Variants in ISG20L2 observed in about 807,000 individuals in gnomAD.
The protein encoded by ISG20L2 is interferon stimulated exonuclease gene 20 like 2, also known as interferon-stimulated 20 kDa exonuclease-like 2.
Under a neutral mutation model 27.8 loss-of-function variants are expected in ISG20L2, and 14 were observed. The ratio of observed to expected loss-of-function variants is 0.50; its 90% CI spans 0.33 to 0.79. ISG20L2 has a LOEUF of 0.79. Ranked by LOEUF, ISG20L2 falls within the 30% of genes least tolerant of loss-of-function variation. The probability of loss-of-function intolerance (pLI) is 0.02; values close to 1 mark genes in which losing one functional copy is unlikely to be tolerated. For missense variants in ISG20L2, 393 were observed against 435.1 expected (o/e 0.90, Z 0.86); for synonymous variants, 157 against 165.7 (o/e 0.95, Z 0.40).
Position 156,726,964 on chromosome 1 carries a change from C to G in ISG20L2, c.689G>C (p.Ser230Thr). 1 of 1,614,236 alleles carries G rather than the reference C, an allele frequency of 6.2e-7. No individual in the cohort carries two copies. The highest frequency in any genetic ancestry group is 8.5e-7 in the Non-Finnish European group (1 of 1,180,042). Residue 230 changes from serine to threonine, a missense_variant, in exon 2 of 4, where the codon AGT becomes ACT. Around this residue, in one of 3 missense-constraint regions of ISG20L2, gnomAD observed 171 missense variants for 195.3 expected, o/e 0.88. Coordinates refer to ENST00000368219, the MANE Select transcript of ISG20L2 (RefSeq NM_001370150.2). ...CACCATGTGCTGCTTCCGGATACCA[C>G]TCCACCTGGTTCGGTAGTCCACAAT... ...CHIVDYRTRW[S>T]GIRKQHMVNA...
chr1:156,727,910 A>G (rs989795278), intron 1 of ISG20L2, 141 bp from the exon 2 acceptor site: 3 of 1,236,914 alleles, frequency 2.4e-6, no homozygotes, highest in Non-Finnish European at 3.0e-6. Flanking sequence ...ATAACATGAA[A>G]TGATGGAGGG....
Position 156,728,600 on chromosome 1 carries a change from TGGCGGCGGAGGAGGG to T in ISG20L2, c.-318_-304del. On this transcript the variant is annotated 5_prime_UTR_variant, in exon 1 of 4. Transcript: ENST00000368219. ...ATTCCGAGTGTGTGAGGAGCGGCAG[TGGCGGCGGAGGAGGG>T]GGCGGCGTGGGTGGGGGCGGGGGCG... The T allele has an allele frequency of 1.4e-6, 1 of 730,838 alleles. No individual in the cohort carries two copies. Among genetic ancestry groups the T allele is most frequent in the Non-Finnish European group, 1.6e-6 (1 of 613,926 alleles). 45.3% of individuals were successfully genotyped at this position (730,838 alleles called of 1,614,324 possible). A position where few individuals can be genotyped will look rare whatever the true frequency, so the allele number is the denominator to read the frequency against.
At chr1:156,723,740 C>T (rs982915095) in intron 3 of ISG20L2, 2 of 985,314 alleles carry the variant, frequency 2.0e-6, no homozygotes, top group South Asian at 4.7e-5. Context: ...AGGTCAAAGA[C>T]AGGTCTTCTG....
In ISG20L2 at chr1:156,727,524, T is replaced by C. The variant is rs1648843625; in HGVS notation, c.129A>G (p.Lys43=). The C allele has an allele frequency of 1.2e-6, 2 of 1,614,030 alleles. No homozygotes were observed. The highest frequency in any genetic ancestry group is 1.1e-5 in the South Asian group (1 of 91,096). The change falls in exon 2 of 4, where the codon AAA becomes AAG. Residue 43 remains lysine (K), a synonymous_variant. Coordinates refer to ENST00000368219, the MANE Select transcript of ISG20L2 (RefSeq NM_001370150.2). ...RLLERRGFLS[K]KNQPPSKAPK... ...GCGCCTTGCTAGGGGGTTGGTTCTT[T>C]TTACTCAGAAAGCCTCTCCGTTCTA...
At chr1:156,724,102 G>A (rs371101829) in intron 3 of ISG20L2, 46 bp downstream of exon 3, 19 of 1,521,484 alleles carry the variant, frequency 1.2e-5, no homozygotes, top group Non-Finnish European at 1.4e-5. Context: ...GGGCATCAAC[G>A]AGAGCCATGT....
Position 156,728,595 on chromosome 1 carries a change from G to A in ISG20L2, c.-298C>T. 1 of 985,968 alleles carries A rather than the reference G, an allele frequency of 1.0e-6. No homozygotes were observed. The highest frequency in any genetic ancestry group is 1.7e-5 in the African/African-American group (1 of 57,304). The allele number at this position is 985,968 out of a possible 1,614,324, so 61.1% of individuals were successfully genotyped here. A position where few individuals can be genotyped will look rare whatever the true frequency, so the allele number is the denominator to read the frequency against. On this transcript the variant is annotated 5_prime_UTR_variant, in exon 1 of 4. Transcript: ENST00000368219. ...CAGTGATTCCGAGTGTGTGAGGAGC[G>A]GCAGTGGCGGCGGAGGAGGGGGCGG...
At chr1:156,728,072 C>CT in intron 1 of ISG20L2, 1 of 1,002,602 alleles carries the variant, frequency 1.0e-6, no homozygotes, top group African/African-American at 1.7e-5. Context: ...CCCTCTGAGT[C>CT]TAAGAGGCTA....
Position 156,726,955 on chromosome 1 carries a change from C to T in ISG20L2, c.698G>A (p.Arg233Gln), listed in dbSNP as rs745661650. The T allele has an allele frequency of 8.1e-6, 13 of 1,614,190 alleles. No individual in the cohort carries two copies. The highest frequency in any genetic ancestry group is 2.2e-5 in the South Asian group (2 of 91,072). ...VDYRTRWSGI[R>Q]KQHMVNATPF... is the part of the protein sequence containing the mutation. The stretch of plus-strand genomic sequence containing the variant: ...TGTGGCATTCACCATGTGCTGCTTC[C>T]GGATACCACTCCACCTGGTTCGGTA... Residue 233 changes from arginine (R) to glutamine (Q), a missense_variant, in exon 2 of 4, where the codon CGG becomes CAG. Arg to Gln is a conservative substitution (Grantham distance 43). Transcript: ENST00000368219.
At position 156,727,037 on chromosome 1, in the gene ISG20L2, A is replaced by C. The variant is rs778158387; in HGVS notation, c.616T>G (p.Tyr206Asp). Reference protein sequence around the residue: ...SSLARCSIVNYNGDVLYDEYI... With the variant: ...SSLARCSIVNDNGDVLYDEYI... ...TCGTCATAAAGCACATCTCCGTTGTAGTTGACAATGCTACATCGAGCCAAG... is the reference window on the plus strand; with the variant it reads ...TCGTCATAAAGCACATCTCCGTTGTCGTTGACAATGCTACATCGAGCCAAG... The change falls in exon 2 of 4, where the codon TAC (tyrosine) becomes GAC (aspartate). Residue 206 changes from tyrosine (Y) to aspartate (D), a missense_variant. Tyr to Asp is a radical substitution (Grantham distance 160). Around this residue, in one of 3 missense-constraint regions of ISG20L2, gnomAD observed 171 missense variants for 195.3 expected, o/e 0.88. Coordinates refer to ENST00000368219, the MANE Select transcript of ISG20L2 (RefSeq NM_001370150.2). The C allele has an allele frequency of 3.1e-6, 5 of 1,614,212 alleles. No individual in the cohort carries two copies. The highest frequency in any genetic ancestry group is 4.2e-6 in the Non-Finnish European group (5 of 1,180,038).
intron 3 of ISG20L2, 63 bp from the exon 4 acceptor site, chr1:156,723,525 A>G: frequency 6.2e-7 from 1 of 1,601,648 alleles, no homozygotes; most frequent in Admixed American, 1.7e-5. Flanking sequence ...TTCCCAGTGT[A>G]CTCTCTGTAC....
chr1:156,726,824 CAT>C (rs1648788087), intron 2 of ISG20L2, 80 bp downstream of exon 2: 2 of 1,532,582 alleles, frequency 1.3e-6, no homozygotes, highest in African/African-American at 2.8e-5. Context: ...GGTGTCTTCC[CAT>C]AGTGATATCC....
chr1:156,723,725 A>C (rs1648634374), intron 3 of ISG20L2: 1 of 985,446 alleles, frequency 1.0e-6, no homozygotes, highest in Non-Finnish European at 1.2e-6. Flanking sequence ...GAGATAGAAC[A>C]TACCAGGTCA....
intron 2 of ISG20L2, chr1:156,726,665 AGT>A (rs1397280449): frequency 6.1e-6 from 6 of 983,920 alleles, no homozygotes; most frequent in Non-Finnish European, 7.2e-6. Context: ...ATTATAGGCA[AGT>A]GCCACTGCGC....
rs113888805 is a variant in ISG20L2 at position 156,727,595 on chromosome 1, C to G, written c.58G>C (p.Glu20Gln). The G allele has an allele frequency of 1.7e-5, 27 of 1,614,132 alleles. No individual in the cohort carries two copies. The highest frequency in any genetic ancestry group is 1.1e-4 in the African/African-American group (8 of 75,044). ...FGEPPPKKALEGNAKHRNFVK... is the reference protein window; with the variant it reads ...FGEPPPKKALQGNAKHRNFVK... ...AAATTTCGGTGCTTGGCATTTCCTTCTAATGCCTTTTTGGGAGGAGGTTCC... is the reference window on the plus strand; with the variant it reads ...AAATTTCGGTGCTTGGCATTTCCTTGTAATGCCTTTTTGGGAGGAGGTTCC... Residue 20 changes from glutamate (E) to glutamine (Q), a missense_variant, in exon 2 of 4, where the codon GAA becomes CAA. Transcript: ENST00000368219.
At chr1:156,723,712 G>A (rs1455611962) in intron 3 of ISG20L2, 2 of 985,406 alleles carry the variant, frequency 2.0e-6, no homozygotes, top group East Asian at 1.1e-4. Flanking sequence ...ATTAGGTTCT[G>A]TAGAGATAGA....
chr1:156,726,275 A>G, intron 2 of ISG20L2: 1 of 985,238 alleles, frequency 1.0e-6, no homozygotes, highest in Non-Finnish European at 1.2e-6. Context: ...TTCCTCTCTC[A>G]AGCTTAGGCT....
chr1:156,724,816 T>A, intron 2 of ISG20L2: 1 of 346,178 alleles, frequency 2.9e-6, no homozygotes, highest in Non-Finnish European at 4.1e-6. Flanking sequence ...AGAGAATCTG[T>A]GGCTTTCATC....
Position 156,727,329 on chromosome 1 carries a change from C to T in ISG20L2, c.324G>A (p.Lys108=), listed in dbSNP as rs750755203. Residue 108 remains lysine (K), a synonymous_variant, in exon 2 of 4, where the codon AAG becomes AAA. Coordinates refer to ENST00000368219, the MANE Select transcript of ISG20L2 (RefSeq NM_001370150.2). ...CTACTTTAGCAGCAACAGAATCAGC[C>T]TTTTTTGAAGGGGCAGGGGTCAACC... ...VSWLTPAPSK[K]ADSVAAKVDL... The T allele has an allele frequency of 3.2e-5, 52 of 1,614,022 alleles. No individual in the cohort carries two copies. Among genetic ancestry groups the T allele is most frequent in the Non-Finnish European group, 4.2e-5 (49 of 1,180,028 alleles).
intron 1 of ISG20L2, chr1:156,728,106 C>T (rs140627129): frequency 0.017 from 16,902 of 991,816 alleles, 180 homozygotes; most frequent in South Asian, 0.019. Flanking sequence ...CTATACTCCG[C>T]CTAGGAAAGG....
Sources: gnomAD v4.1 joint callset for allele counts on GRCh38, gnomAD v4.1.1 for gene constraint, gnomAD v4.1.1 regional missense constraint, MANE v1.5 for transcripts, NCBI Gene and HGNC (gene_info 2026-07-23, HGNC 2026-07-21) for gene names.